The following RNLS variants were observed in gnomAD, a reference collection of about 807,000 sequenced individuals.
The protein encoded by RNLS is renalase.
In RNLS, 39 loss-of-function variants were observed where a neutral mutation model predicts 39.8. The observed-to-expected ratio is 0.98, with a 90% CI of 0.76 to 1.28. The LOEUF (loss-of-function observed/expected upper bound fraction) is 1.28. RNLS is among the 50% of genes most tolerant of loss of function. The pLI, the probability that RNLS is intolerant of heterozygous loss-of-function variation, is 0.00. For missense variants in RNLS, 410 were observed against 413.3 expected (o/e 0.99, Z 0.07); for synonymous variants, 147 against 150.7 (o/e 0.98, Z 0.18).
chr10:88,318,238 G>A (rs1294838045), intron 5 of RNLS, among the ~76,000 whole-genome samples: 1 of 152,216 alleles, frequency 6.6e-6, no homozygotes, highest in Non-Finnish European at 1.5e-5. Context: ...GGGTCCCTGT[G>A]GAGCTGTGGG....
At chr10:88,286,572 T>A (rs1468820448) in intron 6 of RNLS, among the ~76,000 whole-genome samples, 2 of 152,038 alleles carry the variant, frequency 1.3e-5, no homozygotes, top group African/African-American at 4.8e-5. Context: ...TTGGGACTGC[T>A]TCACTGTACA....
intron 5 of RNLS, among the ~76,000 whole-genome samples, chr10:88,325,982 A>G (rs571564412): frequency 1.3e-5 from 2 of 152,296 alleles, no homozygotes; most frequent in Non-Finnish European, 2.9e-5. Context: ...AGAAGGCCCA[A>G]GCTTGCTTCC....
downstream of RNLS, among the ~76,000 whole-genome samples, chr10:88,283,201 G>A (rs1421884103): frequency 6.6e-6 from 1 of 152,114 alleles, no homozygotes; most frequent in African/African-American, 2.4e-5. Context: ...TTCTAATGGG[G>A]AAGAATTGAA....
At chr10:88,330,091 A>AT (rs1554859352) in intron 5 of RNLS, among the ~76,000 whole-genome samples, 1,426 of 140,974 alleles carry the variant, frequency 0.01, 11 homozygotes, top group Middle Eastern at 0.019. Flanking sequence ...ATATATATAT[A>AT]AATATAAATA....
intron 4 of RNLS, among the ~76,000 whole-genome samples, chr10:88,454,427 C>A (rs1425811023): frequency 6.6e-6 from 1 of 152,198 alleles, no homozygotes; most frequent in Admixed American, 6.5e-5. Context: ...TGGACTTCAG[C>A]TTCCTGTTTA....
At chr10:88,562,484 G>A (rs912507370) in intron 4 of RNLS, among the ~76,000 whole-genome samples, 3 of 152,114 alleles carry the variant, frequency 2.0e-5, no homozygotes, top group African/African-American at 7.2e-5. Flanking sequence ...AAGTGTGGAA[G>A]GGCACTCACT....
chr10:88,450,036 G>GA (rs1842278132), intron 4 of RNLS, among the ~76,000 whole-genome samples: 1 of 148,942 alleles, frequency 6.7e-6, no homozygotes, highest in South Asian at 2.1e-4. Context: ...CCTTTTGGGA[G>GA]GAAAAAAAAA....
intron 4 of RNLS, among the ~76,000 whole-genome samples, chr10:88,492,710 C>T (rs921431638): frequency 9.9e-5 from 15 of 152,098 alleles, no homozygotes; most frequent in Admixed American, 3.3e-4. Context: ...TGAGCCACTG[C>T]GCCTGGCCCT....
At chr10:88,299,032 T>A (rs984378806) in intron 6 of RNLS, among the ~76,000 whole-genome samples, 1 of 152,236 alleles carries the variant, frequency 6.6e-6, no homozygotes, top group Non-Finnish European at 1.5e-5. Flanking sequence ...TATAACTCCA[T>A]AGTAAATTCA....
chr10:88,221,572 G>A, the RNLS span, among the ~76,000 whole-genome samples: 1 of 152,198 alleles, frequency 6.6e-6, no homozygotes, highest in African/African-American at 2.4e-5. Flanking sequence ...TAAGCATAAT[G>A]TAATTTTCTT....
the RNLS span, among the ~76,000 whole-genome samples, chr10:88,241,365 C>G: frequency 1.3e-5 from 2 of 151,646 alleles, no homozygotes; most frequent in African/African-American, 4.8e-5. Context: ...TCAATTTCTT[C>G]TCAACTTAAT....
chr10:88,268,656 T>A, the RNLS span, among the ~76,000 whole-genome samples: 3 of 152,212 alleles, frequency 2.0e-5, no homozygotes, highest in Admixed American at 6.5e-5. Context: ...TTTATCTCCA[T>A]CTCTTGGCTC....
rs1439412384 is a variant in RNLS, at chr10:88,393,275, T to C, written c.527-30550A>G. 3.3e-5 allele frequency among the ~76,000 whole-genome samples: 5 copies of C among 152,134 alleles called. No homozygotes were observed. In the South Asian group the frequency reaches 6.3e-4, roughly 19 times the overall value. The stretch of plus-strand genomic sequence containing the variant: ...TTGTCCCTGTTTGCAGATGACATGA[T>C]TGTATATCTAGAAAACCCCATCGTC... On this transcript the variant is annotated intron_variant, in intron 4 of 6. Coordinates refer to ENST00000331772, the MANE Select transcript of RNLS (RefSeq NM_001031709.3).
At chr10:88,462,615 TA>T (rs1207602432) in intron 4 of RNLS, among the ~76,000 whole-genome samples, 2 of 151,840 alleles carry the variant, frequency 1.3e-5, no homozygotes, top group African/African-American at 2.4e-5. Context: ...AGTCAGGCAT[TA>T]AAAAAATGAT....
At chr10:88,390,314 G>A (rs1218148305) in intron 4 of RNLS, among the ~76,000 whole-genome samples, 1 of 152,192 alleles carries the variant, frequency 6.6e-6, no homozygotes, top group Non-Finnish European at 1.5e-5. Context: ...AGCTCACTAA[G>A]GAAAGATGTC....
At chr10:88,356,476 TCAGGCCCATCC>T (rs1849200219) in intron 5 of RNLS, among the ~76,000 whole-genome samples, 1 of 152,216 alleles carries the variant, frequency 6.6e-6, no homozygotes, top group African/African-American at 2.4e-5. Context: ...ATTTAAAGCC[TCAGGCCCATCC>T]CAGTTATTTA....
chr10:88,301,247 ACTGTG>A (rs1305131827), intron 6 of RNLS, among the ~76,000 whole-genome samples: 1 of 152,200 alleles, frequency 6.6e-6, no homozygotes, highest in Non-Finnish European at 1.5e-5. Flanking sequence ...CTTCAATTAA[ACTGTG>A]AGTGTACATC....
chr10:88,570,325 A>G (rs1849751759), intron 4 of RNLS, among the ~76,000 whole-genome samples: 1 of 152,208 alleles, frequency 6.6e-6, no homozygotes, highest in Admixed American at 6.5e-5. Context: ...TGAATAGAAT[A>G]AGAAAAAAGT....
At chr10:88,295,830 C>T (rs1844053229) in intron 6 of RNLS, among the ~76,000 whole-genome samples, 1 of 152,118 alleles carries the variant, frequency 6.6e-6, no homozygotes, top group Non-Finnish European at 1.5e-5. Context: ...TTGCTGAGGT[C>T]TACATTGACT....
Sources: allele counts gnomAD v4.1 joint callset (sites outside exome capture counted in the v4.1 genomes callset), GRCh38; gene constraint gnomAD v4.1.1; transcripts MANE v1.5; gene names NCBI Gene and HGNC (gene_info 2026-07-23, HGNC 2026-07-21).